TTC21B: variants seen among roughly 807,000 people sequenced by gnomAD.
TTC21B encodes the protein tetratricopeptide repeat domain 21B, also known as tetratricopeptide repeat protein 21B.
In TTC21B, 127 loss-of-function variants were observed where a neutral mutation model predicts 175.1. That is an observed-to-expected ratio of 0.73 (90% CI 0.63 to 0.84). The LOEUF (loss-of-function observed/expected upper bound fraction) is 0.84. TTC21B is among the 40% of genes least tolerant of loss of function. TTC21B has a pLI of 0.00. For synonymous variants in TTC21B, 524 were observed against 524.5 expected, an observed-to-expected ratio of 1.00 and a Z score of 0.01; for missense variants, 1,561 against 1,558.3, an observed-to-expected ratio of 1.00 and a Z score of -0.03.
chr2:165,937,778 CACA>C (rs1362799980), intron 6 of TTC21B, among the ~76,000 whole-genome samples: 1 of 59,230 alleles, frequency 1.7e-5, no homozygotes, highest in African/African-American at 6.9e-5. Flanking sequence ...AAACCACACA[CACA>C]CACACACACA....
At chr2:165,920,986 C>T (rs189275503) in intron 12 of TTC21B, among the ~76,000 whole-genome samples, 17 of 152,198 alleles carry the variant, frequency 1.1e-4, no homozygotes, top group African/African-American at 3.6e-4. Flanking sequence ...ATTTGGCTGA[C>T]GTTTGTCTTG....
chr2:165,874,686 G>T lies in TTC21B; in HGVS notation c.*69C>A. ...AAAGCACTGAGCTCAAACCTGTTTT[G>T]AACAGGAAGAACTGAAAGTTAGATT... On this transcript the variant is annotated 3_prime_UTR_variant, in exon 29 of 29. Transcript: ENST00000243344. 2.1e-6 allele frequency: 3 copies of T among 1,428,234 alleles called. No individual in the cohort carries two copies. Among genetic ancestry groups the T allele is most frequent in the South Asian group, 2.3e-5 (2 of 86,882 alleles). The allele number at this position is 1,428,234 out of a possible 1,614,324, so 88.5% of individuals were successfully genotyped here. A position where few individuals can be genotyped will look rare whatever the true frequency, so the allele number is the denominator to read the frequency against.
chr2:165,888,270 T>A lies in TTC21B; in HGVS notation c.3459+9A>T. ...TACCACATGAAGCTGAAAAAGGAAA[T>A]CCACTAACCTCAGATGCTGCTATTT... On this transcript the variant is annotated intron_variant, in intron 25 of 28. Coordinates refer to ENST00000243344, the MANE Select transcript of TTC21B (RefSeq NM_024753.5). The A allele has an allele frequency of 6.2e-7, 1 of 1,602,632 alleles. No homozygotes were observed. The highest frequency in any genetic ancestry group is 8.5e-7 in the Non-Finnish European group (1 of 1,169,704).
At position 165,890,948 on chromosome 2, in the gene TTC21B, T is replaced by A; in HGVS notation, c.2991A>T (p.Arg997Ser). Residue 997 changes from arginine to serine, a missense_variant, in exon 23 of 29, where the codon AGA becomes AGT. Physicochemically the swap from Arg to Ser is moderately radical, Grantham distance 110. Transcript: ENST00000243344. ...MTLSRLIDLL[R>S]RCGKLEDVPR... is the part of the protein sequence containing the mutation. ...GGACATCCTCGAGTTTTCCACATCT[T>A]CTTAGGAGATCAATCAAACGAGATA... 6.2e-7 allele frequency: 1 copy of A among 1,613,204 alleles called. No homozygotes were observed. Among genetic ancestry groups the A allele is most frequent in the Non-Finnish European group, 8.5e-7 (1 of 1,179,338 alleles).
intron 27 of TTC21B, among the ~76,000 whole-genome samples, chr2:165,878,204 G>T (rs561748049): frequency 3.4e-4 from 52 of 152,152 alleles, no homozygotes; most frequent in African/African-American, 1.2e-3. Context: ...TATAATCACA[G>T]AATTTTAACA....
At chr2:165,891,862 A>G (rs1574072505) in intron 22 of TTC21B, among the ~76,000 whole-genome samples, 1 of 152,106 alleles carries the variant, frequency 6.6e-6, no homozygotes, top group East Asian at 1.9e-4. Context: ...TTTCTTTCAT[A>G]TATTTGAAAA....
At chr2:165,939,142 G>A (rs914336339) in intron 6 of TTC21B, among the ~76,000 whole-genome samples, 1 of 152,086 alleles carries the variant, frequency 6.6e-6, no homozygotes, top group Non-Finnish European at 1.5e-5. Flanking sequence ...CTAGGGGCAG[G>A]AAACAGATAA....
intron 19 of TTC21B, among the ~76,000 whole-genome samples, chr2:165,902,227 G>C (rs1685592793): frequency 6.6e-6 from 1 of 152,212 alleles, no homozygotes; most frequent in Non-Finnish European, 1.5e-5. Context: ...GCCTTCCTCA[G>C]AGTAAGAATG....
chr2:165,947,187 T>G (rs1687605434), intron 3 of TTC21B: 1 of 135,412 alleles, frequency 7.4e-6, no homozygotes, highest in South Asian at 2.4e-4. Context: ...TATATATATA[T>G]ATATATTAGT....
chr2:165,911,661 T>C (rs1366351554), intron 17 of TTC21B, among the ~76,000 whole-genome samples, 196 bp from the exon 18 acceptor site: 3 of 140,292 alleles, frequency 2.1e-5, no homozygotes, highest in Admixed American at 2.1e-4. Flanking sequence ...AACTAATATA[T>C]ATATATATTT....
At chr2:165,922,226 A>G (rs749177174) in intron 12 of TTC21B, among the ~76,000 whole-genome samples, 1 of 152,178 alleles carries the variant, frequency 6.6e-6, no homozygotes, top group Admixed American at 6.5e-5. Flanking sequence ...ATGTGGCTTA[A>G]TAGTACAATT....
At chr2:165,929,781 C>A in intron 9 of TTC21B, 34 bp from the exon 10 acceptor site, 1 of 1,434,048 alleles carries the variant, frequency 7.0e-7, no homozygotes, top group South Asian at 1.1e-5. Flanking sequence ...AGTCAAAGTC[C>A]ACACCAATTC....
At chr2:165,929,513 G>A in intron 10 of TTC21B, 137 bp downstream of exon 10, 1 of 888,026 alleles carries the variant, frequency 1.1e-6, no homozygotes, top group South Asian at 1.5e-5. Context: ...TTTGAATGGA[G>A]GTAAATAAAT....
chr2:165,912,623 G>A lies in TTC21B; in HGVS notation c.2213C>T (p.Pro738Leu), dbSNP rs1176128378. Residue 738 changes from proline to leucine, a missense_variant and splice_region_variant, in exon 17 of 29, where the codon CCT (proline) becomes CTT (leucine). Pro to Leu is a moderately conservative substitution (Grantham distance 98). Coordinates refer to ENST00000243344, the MANE Select transcript of TTC21B (RefSeq NM_024753.5). ...LGDAYMNILE[P>L]EEAIVAYEQA... Reference sequence around the variant, plus strand: ...CTCATATGCTACTATGGCTTCTTCAGGCTAATATTGCCAGACACAAAAAAT... The same window carrying A: ...CTCATATGCTACTATGGCTTCTTCAAGCTAATATTGCCAGACACAAAAAAT... 6.2e-7 allele frequency: 1 copy of A among 1,612,676 alleles called. No homozygotes were observed. Among genetic ancestry groups the A allele is most frequent in the Non-Finnish European group, 8.5e-7 (1 of 1,178,982 alleles).
chr2:165,950,124 TAAA>T (rs3032579), intron 1 of TTC21B, among the ~76,000 whole-genome samples: 2 of 148,522 alleles, frequency 1.3e-5, no homozygotes, highest in Non-Finnish European at 1.5e-5. Context: ...TAGGTTTCTT[TAAA>T]AAAAAAAATC....
In TTC21B at chr2:165,930,732, G is replaced by GTGTGTGTGTGTGTGTGTGTGTGTGTGTGT; in HGVS notation, c.895-369_895-368insACACACACACACACACACACACACACACA. 2.3e-3 allele frequency among the ~76,000 whole-genome samples: 255 copies of GTGTGTGTGTGTGTGTGTGTGTGTGTGTGT among 110,720 alleles called. 19 individuals are homozygous for GTGTGTGTGTGTGTGTGTGTGTGTGTGTGT. The highest frequency in any genetic ancestry group is 3.3e-3 in the Non-Finnish European group (158 of 48,216). The allele number at this position is 110,720 out of a possible 152,430, so 72.6% of individuals were successfully genotyped here. A position where few individuals can be genotyped will look rare whatever the true frequency, so the allele number is the denominator to read the frequency against. On this transcript the variant is annotated intron_variant, in intron 8 of 28. Coordinates refer to ENST00000243344, the MANE Select transcript of TTC21B (RefSeq NM_024753.5). ...TATTTTATGGTTACGTGGGTATGGG[G>GTGTGTGTGTGTGTGTGTGTGTGTGTGTGT]GTGTGTGTGTGTGTGTGTGTGTGTG... is the stretch of plus-strand genomic sequence containing the variant.
chr2:165,904,240 C>T (rs1685656458), intron 19 of TTC21B, among the ~76,000 whole-genome samples: 1 of 152,132 alleles, frequency 6.6e-6, no homozygotes, highest in Non-Finnish European at 1.5e-5. Context: ...GGGTGCAATT[C>T]TCTATCATGT....
chr2:165,914,820 CCTA>C (rs1438760670), intron 15 of TTC21B, among the ~76,000 whole-genome samples: 1 of 151,312 alleles, frequency 6.6e-6, no homozygotes, highest in Non-Finnish European at 1.5e-5. Flanking sequence ...CTTTTTTTTT[CCTA>C]CAACTACTAT....
At position 165,901,819 on chromosome 2, in the gene TTC21B, C is replaced by T. The variant is rs934415496; in HGVS notation, c.2660G>A (p.Cys887Tyr). 1 of 1,613,972 alleles carries T rather than the reference C, an allele frequency of 6.2e-7. No individual in the cohort carries two copies. The highest frequency in any genetic ancestry group is 8.5e-7 in the Non-Finnish European group (1 of 1,179,976). Residue 887 changes from cysteine (C) to tyrosine (Y), a missense_variant, in exon 20 of 29, where the codon TGT becomes TAT. Transcript: ENST00000243344. ...AACAGAATGTTTTGCAATCTCTGCA[C>T]AAATTTCAGCTGCTAAATGTTTCTG... ...PAQKHLAAEICAEIAKHSVAQ... is the reference protein window; with the variant it reads ...PAQKHLAAEIYAEIAKHSVAQ...
Sources: allele counts gnomAD v4.1 joint callset (sites outside exome capture counted in the v4.1 genomes callset), GRCh38; gene constraint gnomAD v4.1.1; transcripts MANE v1.5; gene names NCBI Gene and HGNC (gene_info 2026-07-23, HGNC 2026-07-21).